Variants in HOMER1 observed in about 807,000 individuals in gnomAD.
HOMER1 encodes homer scaffold protein 1, also known as homer protein homolog 1.
In HOMER1, 3 loss-of-function variants were observed where a neutral mutation model predicts 48.9. The ratio of observed to expected loss-of-function variants is 0.06; its 90% CI spans 0.03 to 0.16. The LOEUF is 0.16. Among genes scored for constraint, HOMER1 ranks in the 10% least tolerant of loss-of-function variants. The pLI is 1.00. For missense variants in HOMER1, 247 were observed against 411.4 expected (o/e 0.60, Z 3.46); for synonymous variants, 134 against 146.4 (o/e 0.92, Z 0.61).
chr5:79,503,105 C>A (rs555711099), intron 1 of HOMER1, among the ~76,000 whole-genome samples: 1 of 152,094 alleles, frequency 6.6e-6, no homozygotes, highest in African/African-American at 2.4e-5. Context: ...ACTTTTAACT[C>A]CTCAAAAACT....
chr5:79,467,289 G>A (rs1407893622), intron 1 of HOMER1, among the ~76,000 whole-genome samples: 1 of 150,772 alleles, frequency 6.6e-6, no homozygotes, highest in African/African-American at 2.4e-5. Context: ...TACTCAGGAG[G>A]CTGAGGCAGG....
chr5:79,448,071 C>A (rs767737144), intron 3 of HOMER1, among the ~76,000 whole-genome samples: 4 of 152,122 alleles, frequency 2.6e-5, no homozygotes, highest in Non-Finnish European at 5.9e-5. Context: ...CTAATCCTGG[C>A]GAGATGGAGG....
rs1752983860 is a variant in HOMER1, at chr5:79,513,017, C to T, written c.-243G>A. The T allele has an allele frequency of 3.5e-6, 2 of 570,884 alleles. No individual in the cohort carries two copies. The highest frequency in any genetic ancestry group is 2.1e-5 in the South Asian group (1 of 47,426). 35.4% of individuals were successfully genotyped at this position (570,884 alleles called of 1,614,324 possible). A position where few individuals can be genotyped will look rare whatever the true frequency, so the allele number is the denominator to read the frequency against. On this transcript the variant is annotated 5_prime_UTR_variant, in exon 1 of 9. Transcript: ENST00000334082. ...TGCTTATTCGAGTTAAAATGCTTTG[C>T]GGAGGAGACAGCGATCAACTCTATT...
intron 8 of HOMER1, among the ~76,000 whole-genome samples, chr5:79,390,358 A>T (rs1749219186): frequency 6.6e-6 from 1 of 152,170 alleles, no homozygotes; most frequent in Admixed American, 6.5e-5. Flanking sequence ...AAATACGAAC[A>T]CAGGTAACTA....
At chr5:79,492,195 A>T (rs1313621652) in intron 1 of HOMER1, among the ~76,000 whole-genome samples, 1 of 152,186 alleles carries the variant, frequency 6.6e-6, no homozygotes, top group African/African-American at 2.4e-5. Flanking sequence ...CATTTAACAA[A>T]TATTGCTTAA....
intron 4 of HOMER1, among the ~76,000 whole-genome samples, chr5:79,441,284 A>C (rs1298971631): frequency 6.6e-6 from 1 of 152,198 alleles, no homozygotes; most frequent in Non-Finnish European, 1.5e-5. Context: ...GTACATTAGG[A>C]TCAAAAGAGA....
intron 1 of HOMER1, among the ~76,000 whole-genome samples, chr5:79,483,900 C>G (rs756895456): frequency 3.3e-5 from 5 of 151,162 alleles, no homozygotes; most frequent in Non-Finnish European, 5.9e-5. Flanking sequence ...ACTAAAAATA[C>G]AAAATTAGCC....
intron 5 of HOMER1, among the ~76,000 whole-genome samples, chr5:79,425,166 A>G (rs570709247): frequency 2.0e-5 from 3 of 152,106 alleles, no homozygotes; most frequent in East Asian, 1.9e-4. Flanking sequence ...TTCTTCCACA[A>G]GAAATGGTGA....
chr5:79,511,108 GCTA>G (rs1207111155), intron 1 of HOMER1, among the ~76,000 whole-genome samples: 1 of 152,188 alleles, frequency 6.6e-6, no homozygotes, highest in Non-Finnish European at 1.5e-5. Context: ...CTTCCATGAT[GCTA>G]CTACTCCACA....
chr5:79,477,175 T>TATCATAGC (rs765765391), intron 1 of HOMER1, among the ~76,000 whole-genome samples: 1 of 152,180 alleles, frequency 6.6e-6, no homozygotes, highest in Non-Finnish European at 1.5e-5. Flanking sequence ...ACAATAGATA[T>TATCATAGC]ATCATAGCAT....
intron 1 of HOMER1, among the ~76,000 whole-genome samples, chr5:79,511,847 CT>C (rs1291282135): frequency 6.6e-6 from 1 of 152,224 alleles, no homozygotes; most frequent in African/African-American, 2.4e-5. Context: ...AAACATGCCC[CT>C]CAACTACACT....
At chr5:79,460,667 T>C (rs779564470) in intron 1 of HOMER1, among the ~76,000 whole-genome samples, 2 of 152,134 alleles carry the variant, frequency 1.3e-5, no homozygotes, top group Non-Finnish European at 2.9e-5. Flanking sequence ...GGTTTGTTCC[T>C]CGGGACATTT....
At chr5:79,468,269 G>T (rs1296509097) in intron 1 of HOMER1, among the ~76,000 whole-genome samples, 1 of 151,932 alleles carries the variant, frequency 6.6e-6, no homozygotes, top group Non-Finnish European at 1.5e-5. Flanking sequence ...GAACAACCTG[G>T]GTATGTGAAT....
chr5:79,380,024 A>T (rs1309211784), intron 8 of HOMER1, among the ~76,000 whole-genome samples: 1 of 152,204 alleles, frequency 6.6e-6, no homozygotes, highest in African/African-American at 2.4e-5. Flanking sequence ...CAAATGGATC[A>T]TCCAACAGAG....
chr5:79,433,776 C>T (rs1039589385), intron 5 of HOMER1, among the ~76,000 whole-genome samples: 57 of 152,036 alleles, frequency 3.7e-4, no homozygotes, highest in African/African-American at 1.3e-3. Context: ...GTTTCTAAAA[C>T]TTTGATGATA....
At chr5:79,498,102 G>A (rs1040665703) in intron 1 of HOMER1, among the ~76,000 whole-genome samples, 1 of 152,096 alleles carries the variant, frequency 6.6e-6, no homozygotes. Flanking sequence ...CTTCAGTCAA[G>A]AGTTAAAGCA....
At chr5:79,429,086 C>T (rs182326895) in intron 5 of HOMER1, among the ~76,000 whole-genome samples, 3 of 152,242 alleles carry the variant, frequency 2.0e-5, no homozygotes, top group Non-Finnish European at 4.4e-5. Context: ...CAGCGTAGGC[C>T]GGGCACAGTG....
intron 1 of HOMER1, among the ~76,000 whole-genome samples, chr5:79,511,888 CAA>C (rs1752955034): frequency 6.6e-6 from 1 of 152,162 alleles, no homozygotes; most frequent in Non-Finnish European, 1.5e-5. Context: ...CACACACACA[CAA>C]AAAGAGAAAA....
intron 4 of HOMER1, among the ~76,000 whole-genome samples, chr5:79,440,920 G>T (rs1364348029): frequency 6.6e-6 from 1 of 152,150 alleles, no homozygotes; most frequent in Non-Finnish European, 1.5e-5. Flanking sequence ...ATCCTTGGGA[G>T]GCCAAGGCAG....
Sources: allele counts gnomAD v4.1 joint callset (sites outside exome capture counted in the v4.1 genomes callset), GRCh38; gene constraint gnomAD v4.1.1; transcripts MANE v1.5; gene names NCBI Gene and HGNC (gene_info 2026-07-23, HGNC 2026-07-21).